Variants in CUX1 observed in about 807,000 individuals in gnomAD.
CUX1 encodes the protein protein CASP.
In CUX1, 31 loss-of-function variants were observed where a neutral mutation model predicts 158.8. The ratio of observed to expected loss-of-function variants is 0.20; its 90% CI spans 0.15 to 0.26. CUX1 has a LOEUF of 0.26. Among genes scored for constraint, CUX1 ranks in the 10% least tolerant of loss-of-function variants. The probability of loss-of-function intolerance (pLI) is 1.00; values close to 1 mark genes in which losing one functional copy is unlikely to be tolerated. For missense variants in CUX1, 1,589 were observed against 2,014.6 expected (o/e 0.79, Z 4.04); for synonymous variants, 879 against 862.1 (o/e 1.02, Z -0.34).
At chr7:102,130,638 G>A (rs570039221) in intron 8 of CUX1, among the ~76,000 whole-genome samples, 121 of 151,992 alleles carry the variant, frequency 8.0e-4, no homozygotes, top group Non-Finnish European at 1.3e-3. Flanking sequence ...CTGAAATCAC[G>A]CCACTGCACT....
chr7:101,884,180 C>G (rs1799994375), intron 1 of CUX1, among the ~76,000 whole-genome samples: 1 of 152,188 alleles, frequency 6.6e-6, no homozygotes, highest in Non-Finnish European at 1.5e-5. Flanking sequence ...TAGGTGTGAG[C>G]CATGCTTTTG....
chr7:102,248,353 C>G lies in CUX1; in HGVS notation c.3888-59C>G, dbSNP rs139336097. On this transcript the variant is annotated intron_variant, in intron 23 of 23. Coordinates refer to ENST00000292535, the MANE Select transcript of CUX1 (RefSeq NM_181552.4). This position sits in a 1 kb window ranked among gnomAD's most constrained non-coding sequence, Gnocchi z 5.8. ...AGAGAGGGGTCTGGCTGGGGTAGCA[C>G]CAGAGGCCCTTTCCCCAGCAGCACC... 321 of 1,463,882 alleles carry G rather than the reference C, an allele frequency of 2.2e-4. 2 individuals are homozygous for G. The East Asian group carries it at 6.3e-3, about 29-fold the overall frequency. The allele number at this position is 1,463,882 out of a possible 1,614,324, so 90.7% of individuals were successfully genotyped here.
intron 2 of CUX1, among the ~76,000 whole-genome samples, chr7:102,024,975 A>G (rs1052304181): frequency 6.6e-6 from 1 of 152,194 alleles, no homozygotes; most frequent in Non-Finnish European, 1.5e-5. Flanking sequence ...GGCTGGAATC[A>G]AGGTGTCAGC....
intron 21 of CUX1, chr7:102,281,990 G>A: frequency 1.8e-6 from 2 of 1,100,986 alleles, no homozygotes; most frequent in Non-Finnish European, 2.8e-6. Flanking sequence ...GGCAGCAGGG[G>A]CCTGTTACGG....
In CUX1 at chr7:102,253,234, C is replaced by G. The variant is rs1189256275; in HGVS notation, c.*4192C>G. ...GCAGCAGAGCTCTGGGTTAAATATT[C>G]CTTTCTGGCCACCGCCCAAGCCCAG... is the stretch of plus-strand genomic sequence containing the variant. On this transcript the variant is annotated 3_prime_UTR_variant, in exon 24 of 24. Transcript: ENST00000292535. 5.1e-6 allele frequency: 5 copies of G among 985,376 alleles called. No homozygotes were observed. The highest frequency in any genetic ancestry group is 3.5e-5 in the African/African-American group (2 of 57,242). The allele number at this position is 985,376 out of a possible 1,614,324, so 61.0% of individuals were successfully genotyped here.
At chr7:102,193,821 C>T (rs552990907) in intron 12 of CUX1, 21 bp from the exon 13 acceptor site, 2 of 1,612,428 alleles carry the variant, frequency 1.2e-6, no homozygotes, top group East Asian at 4.5e-5. Context: ...ATAAAATAAC[C>T]CCTCTGTTGT....
intron 23 of CUX1, among the ~76,000 whole-genome samples, chr7:102,240,676 A>T (rs1452965901): frequency 6.6e-6 from 1 of 152,120 alleles, no homozygotes; most frequent in Admixed American, 6.5e-5. Context: ...AGACCTTTGC[A>T]TTTGGGAAAG....
In CUX1 at chr7:102,248,545, G is replaced by A; in HGVS notation, c.4021G>A (p.Val1341Met). ...PSSEGDSCDG[V>M]EATEGPGSAD... ...CTCGGAGGGCGACAGCTGCGACGGC[G>A]TGGAGGCCACTGAGGGCCCAGGCAG... Residue 1341 changes from valine (V) to methionine (M), a missense_variant, in exon 24 of 24, where the codon GTG becomes ATG. Coordinates refer to ENST00000292535, the MANE Select transcript of CUX1 (RefSeq NM_181552.4). This position sits in a 1 kb window ranked among gnomAD's most constrained non-coding sequence, Gnocchi z 5.8. 1.3e-6 allele frequency: 2 copies of A among 1,506,884 alleles called. No homozygotes were observed. The highest frequency in any genetic ancestry group is 2.6e-5 in the East Asian group (1 of 38,092). The allele number at this position is 1,506,884 out of a possible 1,614,324, so 93.3% of individuals were successfully genotyped here.
At chr7:102,069,468 G>A (rs988466642) in intron 3 of CUX1, among the ~76,000 whole-genome samples, 1 of 152,178 alleles carries the variant, frequency 6.6e-6, no homozygotes, top group African/African-American at 2.4e-5. Flanking sequence ...GAACACATAG[G>A]CCAGACGCAG....
Position 102,249,426 on chromosome 7 carries a change from CG to C in CUX1, c.*385del, listed in dbSNP as rs1488465943. 2.5e-5 allele frequency: 25 copies of C among 986,904 alleles called. No individual in the cohort carries two copies. The Admixed American group carries it at 1.5e-3, about 61-fold the overall frequency. 61.1% of individuals were successfully genotyped at this position (986,904 alleles called of 1,614,324 possible). ...AAGGAGCATTAAGCCCAATCTATGT[CG>C]TGTTTTCAAGGAAGAAAACGGAAAT... On this transcript the variant is annotated 3_prime_UTR_variant, in exon 24 of 24. Coordinates refer to ENST00000292535, the MANE Select transcript of CUX1 (RefSeq NM_181552.4).
Position 102,255,519 on chromosome 7 carries a change from G to A in CUX1, c.*6477G>A. 1.0e-6 allele frequency: 1 copy of A among 985,210 alleles called. No homozygotes were observed. The highest frequency in any genetic ancestry group is 1.2e-6 in the Non-Finnish European group (1 of 829,918). 61.0% of individuals were successfully genotyped at this position (985,210 alleles called of 1,614,324 possible). On this transcript the variant is annotated 3_prime_UTR_variant, in exon 24 of 24. Transcript: ENST00000292535. Reference sequence around the variant, plus strand: ...GAGTTGCTTTTCATGAATCCTTTTAGTTTACCCGATAATGTTAAGAAAGCA... The same window carrying A: ...GAGTTGCTTTTCATGAATCCTTTTAATTTACCCGATAATGTTAAGAAAGCA...
intron 20 of CUX1, among the ~76,000 whole-genome samples, chr7:102,219,935 G>A (rs187806160): frequency 7.2e-5 from 11 of 152,362 alleles, no homozygotes; most frequent in Non-Finnish European, 2.9e-5. Context: ...AGCAAGGCTT[G>A]GGAACTGAGG....
Position 101,831,736 on chromosome 7 carries a change from T to TATC in CUX1, c.30+14069_30+14070insCAT, listed in dbSNP as rs528077860. On this transcript the variant is annotated intron_variant, in intron 1 of 23. Coordinates refer to ENST00000292535, the MANE Select transcript of CUX1 (RefSeq NM_181552.4). ...TTCTGAAGGCCCTGAGAAATAACTT[T>TATC]ATTATTATTATTATTATTATTTAGA... 1.1e-4 allele frequency among the ~76,000 whole-genome samples: 16 copies of TATC among 148,142 alleles called. No individual in the cohort carries two copies. The East Asian group carries it at 2.9e-3, about 27-fold the overall frequency.
intron 1 of CUX1, among the ~76,000 whole-genome samples, chr7:101,872,904 G>A (rs1479962038): frequency 6.6e-6 from 1 of 151,594 alleles, no homozygotes; most frequent in South Asian, 2.1e-4. Context: ...ACGGAGTCTC[G>A]CTCTGTCACC....
chr7:102,269,539 G>A (rs1791057376), intron 14 of CUX1, among the ~76,000 whole-genome samples: 1 of 150,898 alleles, frequency 6.6e-6, no homozygotes, highest in African/African-American at 2.4e-5. Context: ...CCAAATAGCT[G>A]GGATTACAGG....
chr7:102,231,935 G>A (rs782253076), intron 21 of CUX1, among the ~76,000 whole-genome samples: 6 of 151,032 alleles, frequency 4.0e-5, no homozygotes, highest in African/African-American at 7.3e-5. Flanking sequence ...GGATGGTCTC[G>A]ATCTCCTGAC....
At chr7:102,155,560 A>G (rs1386873423) in intron 8 of CUX1, among the ~76,000 whole-genome samples, 1 of 151,886 alleles carries the variant, frequency 6.6e-6, no homozygotes, top group African/African-American at 2.4e-5. Flanking sequence ...AAAAAAAAAA[A>G]CAACACAAAA....
intron 3 of CUX1, among the ~76,000 whole-genome samples, chr7:102,044,838 C>T (rs952108966): frequency 6.6e-6 from 1 of 152,096 alleles, no homozygotes; most frequent in Non-Finnish European, 1.5e-5. Flanking sequence ...GACTGTGGAG[C>T]AGACCAGGCA....
intron 21 of CUX1, 22 bp from the exon 22 acceptor site, chr7:102,234,030 C>T (rs782111089): frequency 7.6e-6 from 11 of 1,448,160 alleles, no homozygotes; most frequent in Non-Finnish European, 9.1e-7. Context: ...CAATACCTGT[C>T]TTGCTTCTGT....
Sources: gnomAD v4.1 joint callset for allele counts (sites outside exome capture counted in the v4.1 genomes callset) on GRCh38, gnomAD v4.1.1 for gene constraint, Gnocchi (gnomAD v3.1) non-coding constraint, MANE v1.5 for transcripts, NCBI Gene and HGNC (gene_info 2026-07-23, HGNC 2026-07-21) for gene names.